ABCA1: variants seen among roughly 807,000 people sequenced by gnomAD.
ABCA1 encodes phospholipid-transporting ATPase ABCA1.
A neutral mutation model predicts 262.5 loss-of-function variants in ABCA1; 133 were observed. The ratio of observed to expected loss-of-function variants is 0.51; its 90% confidence interval spans 0.44 to 0.59. ABCA1 has a LOEUF of 0.59. Ranked by LOEUF, ABCA1 falls within the 20% of genes least tolerant of loss-of-function variation. ABCA1 has a pLI of 0.00. For missense variants in ABCA1, 2,452 were observed against 2,777.5 expected (o/e 0.88, Z 2.63); for synonymous variants, 1,022 against 1,043.5 (o/e 0.98, Z 0.40).
chr9:104,806,074 C>T (rs894412991), intron 31 of ABCA1, among the ~76,000 whole-genome samples, 167 bp downstream of exon 31: 5 of 151,992 alleles, frequency 3.3e-5, no homozygotes, highest in Admixed American at 2.0e-4. Context: ...CACAGCACTC[C>T]AGCCTGGGCG....
intron 1 of ABCA1, among the ~76,000 whole-genome samples, chr9:104,913,088 G>T (rs1471811383): frequency 6.6e-6 from 1 of 152,210 alleles, no homozygotes; most frequent in Non-Finnish European, 1.5e-5. Context: ...TGAAGAATCA[G>T]TGTCTTCAGA....
chr9:104,920,701 G>A lies in ABCA1; in HGVS notation c.-93+7234C>T, dbSNP rs896735047. ...TAATTTTTGTATTTTTAGTAGAGAC[G>A]GGGTTTCACCATGCTGGTCAGGCTG... On this transcript the variant is annotated intron_variant, in intron 1 of 49. Coordinates refer to ENST00000374736, the MANE Select transcript of ABCA1 (RefSeq NM_005502.4). Among the ~76,000 whole-genome samples the A allele has an allele frequency of 1.3e-4, 20 of 152,158 alleles. 1 individual carries two copies. In the South Asian group the frequency reaches 2.9e-3, roughly 22 times the overall value.
At chr9:104,904,423 C>G (rs1840932369) in intron 1 of ABCA1, among the ~76,000 whole-genome samples, 1 of 152,032 alleles carries the variant, frequency 6.6e-6, no homozygotes, top group African/African-American at 2.4e-5. Flanking sequence ...CAAAAATTAG[C>G]TGGGCATGGT....
intron 30 of ABCA1, among the ~76,000 whole-genome samples, chr9:104,807,810 C>T (rs558074543): frequency 7.6e-5 from 11 of 144,500 alleles, no homozygotes; most frequent in Non-Finnish European, 1.3e-4. Flanking sequence ...GAGACTCCAT[C>T]TCAAAAAAAA....
chr9:104,810,043 C>A (rs2118926934), intron 29 of ABCA1, among the ~76,000 whole-genome samples: 1 of 149,744 alleles, frequency 6.7e-6, no homozygotes, highest in East Asian at 2.0e-4. Flanking sequence ...CAACTACGGG[C>A]AATACAGGGT....
chr9:104,824,235 A>G (rs1832624555), intron 18 of ABCA1, among the ~76,000 whole-genome samples: 1 of 150,996 alleles, frequency 6.6e-6, no homozygotes, highest in Non-Finnish European at 1.5e-5. Flanking sequence ...AGAAGCCAAG[A>G]CAACAAAGAA....
intron 30 of ABCA1, among the ~76,000 whole-genome samples, chr9:104,809,009 A>G (rs1414423163): frequency 6.6e-6 from 1 of 152,248 alleles, no homozygotes; most frequent in African/African-American, 2.4e-5. Flanking sequence ...CAATAAAAAT[A>G]TACAATTTGA....
chr9:104,862,677 G>C (rs1190236342), intron 5 of ABCA1, among the ~76,000 whole-genome samples: 54 of 2,426 alleles, frequency 0.022, 12 homozygotes, highest in African/African-American at 0.035. Context: ...GCCGGGCCGG[G>C]CCGGGCCGGG....
intron 5 of ABCA1, among the ~76,000 whole-genome samples, chr9:104,875,053 G>A (rs1838025504): frequency 1.3e-5 from 2 of 152,052 alleles, no homozygotes; most frequent in Non-Finnish European, 2.9e-5. Flanking sequence ...TAGAAAAGGG[G>A]GAAATGTGGG....
intron 25 of ABCA1, among the ~76,000 whole-genome samples, chr9:104,815,411 C>T (rs1441808010): frequency 6.6e-6 from 1 of 152,144 alleles, no homozygotes; most frequent in Non-Finnish European, 1.5e-5. Context: ...ACCACTTGGC[C>T]AGACAGCTTT....
intron 2 of ABCA1, among the ~76,000 whole-genome samples, chr9:104,893,142 G>T (rs1290306857): frequency 6.6e-6 from 1 of 152,036 alleles, no homozygotes; most frequent in Non-Finnish European, 1.5e-5. Flanking sequence ...TACTTATGAG[G>T]CCGGGCGTGG....
chr9:104,785,591 C>A lies in ABCA1; in HGVS notation c.6450G>T (p.Pro2150=). 3.1e-6 allele frequency: 5 copies of A among 1,614,088 alleles called. No homozygotes were observed. Among genetic ancestry groups the A allele is most frequent in the Non-Finnish European group, 4.2e-6 (5 of 1,180,016 alleles). The change falls in exon 49 of 50, where the codon CCG becomes CCT. Residue 2150 remains proline (P), a synonymous_variant. Coordinates refer to ENST00000374736, the MANE Select transcript of ABCA1 (RefSeq NM_005502.4). ...TIVVRIAGSN[P]DLKPVQDFFG... is the part of the protein sequence containing the mutation. The stretch of plus-strand genomic sequence containing the variant: ...AGAAATCCTGGACAGGCTTCAGGTC[C>A]GGGTTGGACCCTGCTATTCGTACAA...
At chr9:104,865,568 G>A (rs565400088) in intron 5 of ABCA1, among the ~76,000 whole-genome samples, 1 of 150,650 alleles carries the variant, frequency 6.6e-6, no homozygotes, top group Non-Finnish European at 1.5e-5. Context: ...TTGCAGCCAA[G>A]TCTGAGAAAC....
At chr9:104,847,134 T>A (rs1165146650) in intron 7 of ABCA1, among the ~76,000 whole-genome samples, 2 of 152,102 alleles carry the variant, frequency 1.3e-5, no homozygotes, top group African/African-American at 2.4e-5. Flanking sequence ...CAGATCCACA[T>A]AACCTAAATT....
chr9:104,825,905 A>C lies in ABCA1; in HGVS notation c.2338-18T>G, dbSNP rs1832773507. The C allele has an allele frequency of 6.2e-7, 1 of 1,612,834 alleles. No individual in the cohort carries two copies. The highest frequency in any genetic ancestry group is 1.3e-5 in the African/African-American group (1 of 75,022). On this transcript the variant is annotated intron_variant, in intron 16 of 49. Coordinates refer to ENST00000374736, the MANE Select transcript of ABCA1 (RefSeq NM_005502.4). ...AGCAGGCTCTGTGAGAAACAGGCAA[A>C]GTCACCTATCCATTTCCTGGTCAGT... is the stretch of plus-strand genomic sequence containing the variant.
At chr9:104,804,981 T>C (rs190535231) in intron 31 of ABCA1, among the ~76,000 whole-genome samples, 11 of 152,360 alleles carry the variant, frequency 7.2e-5, no homozygotes, top group African/African-American at 2.4e-4. Flanking sequence ...AGATTCTTTG[T>C]AGTCAAGAGA....
intron 5 of ABCA1, among the ~76,000 whole-genome samples, chr9:104,863,094 A>C (rs1478157658): frequency 3.3e-5 from 5 of 152,122 alleles, no homozygotes; most frequent in African/African-American, 1.2e-4. Context: ...CAGTGCAACA[A>C]AACAGAAAAA....
intron 5 of ABCA1, among the ~76,000 whole-genome samples, chr9:104,866,521 C>A (rs868095017): frequency 2.0e-5 from 3 of 151,962 alleles, no homozygotes; most frequent in South Asian, 4.2e-4. Context: ...CACCCTTTCA[C>A]CCAGGCTGGA....
chr9:104,800,158 T>A (rs762615581), intron 35 of ABCA1, among the ~76,000 whole-genome samples, 170 bp from the exon 36 acceptor site: 9 of 152,174 alleles, frequency 5.9e-5, no homozygotes, highest in African/African-American at 1.9e-4. Flanking sequence ...GTTCAGGACA[T>A]AGTGATCACT....
Sources: allele counts gnomAD v4.1 joint callset (sites outside exome capture counted in the v4.1 genomes callset), GRCh38; gene constraint gnomAD v4.1.1; transcripts MANE v1.5; gene names NCBI Gene and HGNC (gene_info 2026-07-23, HGNC 2026-07-21).